Variants in RIPK1 observed in about 807,000 individuals in gnomAD.
RIPK1 encodes the protein receptor interacting serine/threonine kinase 1.
Under a neutral mutation model 62.4 loss-of-function variants are expected in RIPK1, and 27 were observed. The observed-to-expected ratio is 0.43, with a 90% CI of 0.32 to 0.60. RIPK1 has a LOEUF of 0.60. Among genes scored for constraint, RIPK1 ranks in the 20% least tolerant of loss-of-function variants. The probability of loss-of-function intolerance (pLI) is 0.07; values close to 1 mark genes in which losing one functional copy is unlikely to be tolerated. For missense variants in RIPK1, 735 were observed against 831.0 expected (o/e 0.88, Z 1.42); for synonymous variants, 287 against 303.2 (o/e 0.95, Z 0.55).
At chr6:3,073,295 C>T (rs972402010) in intron 1 of RIPK1, among the ~76,000 whole-genome samples, 5 of 151,104 alleles carry the variant, frequency 3.3e-5, no homozygotes, top group East Asian at 3.9e-4. Flanking sequence ...TATATTTATA[C>T]GTATACATAC....
chr6:3,103,157 A>G (rs570870210), intron 7 of RIPK1, among the ~76,000 whole-genome samples: 1 of 151,182 alleles, frequency 6.6e-6, no homozygotes, highest in South Asian at 2.1e-4. Context: ...AGAAACTGCT[A>G]TTCAAGTTCT....
rs139068628 is a variant in RIPK1 at position 3,094,886 on chromosome 6, A to T, written c.915+5229A>T. Reference sequence around the variant, plus strand: ...AGACCAGCCTAGGCCACACAGTGAGACCCCATCTCTAAAAAAATAAAATAA... The same window carrying T: ...AGACCAGCCTAGGCCACACAGTGAGTCCCCATCTCTAAAAAAATAAAATAA... On this transcript the variant is annotated intron_variant, in intron 7 of 10. Transcript: ENST00000259808. Among the ~76,000 whole-genome samples the T allele has an allele frequency of 4.7e-3, 714 of 151,914 alleles. 8 individuals are homozygous for T. The highest frequency in any genetic ancestry group is 0.031 in the East Asian group (161 of 5,160).
rs533760811 is a variant in RIPK1, at chr6:3,112,708, T to A, written c.1730-345T>A. ...ACCATACCCAGCTAATTAAAAAAAA[T>A]TTTTTTTTTGGTAGAGACAGGTTCT... On this transcript the variant is annotated intron_variant, in intron 10 of 10. Coordinates refer to ENST00000259808, the MANE Select transcript of RIPK1 (RefSeq NM_001354930.2). Among the ~76,000 whole-genome samples, 94 of 150,910 alleles carry A rather than the reference T, an allele frequency of 6.2e-4. 1 individual carries two copies. Among genetic ancestry groups the A allele is most frequent in the African/African-American group, 2.0e-3 (83 of 41,122 alleles).
rs750738935 is a variant in RIPK1 at position 3,105,978 on chromosome 6, T to C, written c.1503T>C (p.His501=). Residue 501 remains histidine (H), a synonymous_variant, in exon 9 of 11, where the codon CAT becomes CAC. Transcript: ENST00000259808. The surrounding 1 kb of genome is among the most constrained non-coding windows in gnomAD (Gnocchi z 4.5). ...TTCCAAGTCATATGCCTAGTCTGCA[T>C]AATATCCCAGTGCCTGAGACCAACT... ...RPIPSHMPSL[H]NIPVPETNYL... is the part of the protein sequence containing the mutation. The C allele has an allele frequency of 1.2e-5, 19 of 1,614,104 alleles. No individual in the cohort carries two copies. In the East Asian group the frequency reaches 3.8e-4, roughly 32 times the overall value.
chr6:3,065,951 G>C (rs1250743910), upstream of RIPK1, among the ~76,000 whole-genome samples: 6 of 152,188 alleles, frequency 3.9e-5, no homozygotes, highest in Non-Finnish European at 8.8e-5. Context: ...AAGGTCACAT[G>C]ATGTCTAGAG....
intron 10 of RIPK1, among the ~76,000 whole-genome samples, chr6:3,112,619 C>T (rs1386801888): frequency 6.6e-6 from 1 of 152,216 alleles, no homozygotes; most frequent in Non-Finnish European, 1.5e-5. Context: ...CAGCCTCGAA[C>T]TCCTGAGTTC....
At chr6:3,082,640 C>T (rs570835513) in intron 4 of RIPK1, among the ~76,000 whole-genome samples, 14 of 152,172 alleles carry the variant, frequency 9.2e-5, no homozygotes, top group Non-Finnish European at 1.6e-4. Flanking sequence ...GGCCTCTGGA[C>T]GCCATTTGGG....
rs780924080 is a variant in RIPK1, at chr6:3,077,792, C to G, written c.178C>G (p.Leu60Val). ...GPNCIEHNEA[L>V]LEEAKMMNRL... ...TCCTGCCCACAGGCACAACGAGGCC[C>G]TCTTGGAGGAGGCGAAGATGATGAA... The change falls in exon 3 of 11, where the codon CTC becomes GTC. Residue 60 changes from leucine to valine, a missense_variant. Leu to Val is a conservative substitution (Grantham distance 32, BLOSUM62 1). Around this residue, in one of 2 missense-constraint regions of RIPK1, gnomAD observed 671 missense variants for 726.2 expected, o/e 0.92. Transcript: ENST00000259808. 32 of 1,614,032 alleles carry G rather than the reference C, an allele frequency of 2.0e-5. No individual in the cohort carries two copies. Among genetic ancestry groups the G allele is most frequent in the Non-Finnish European group, 2.6e-5 (31 of 1,180,018 alleles).
upstream of RIPK1, among the ~76,000 whole-genome samples, chr6:3,066,381 G>T (rs756662366): frequency 6.6e-6 from 1 of 151,956 alleles, no homozygotes; most frequent in Non-Finnish European, 1.5e-5. Flanking sequence ...CCTAGAACAG[G>T]TGCTCAGTAA....
At chr6:3,082,577 T>A (rs1000375654) in intron 4 of RIPK1, among the ~76,000 whole-genome samples, 3 of 152,194 alleles carry the variant, frequency 2.0e-5, no homozygotes. Context: ...CAAGCAACAC[T>A]GCAGTCCTTA....
At chr6:3,111,390 C>T (rs1661669194) in intron 10 of RIPK1, among the ~76,000 whole-genome samples, 1 of 152,186 alleles carries the variant, frequency 6.6e-6, no homozygotes, top group Non-Finnish European at 1.5e-5. Context: ...AGAGGGCTAT[C>T]TCTTATAGGG....
Position 3,072,391 on chromosome 6 carries a change from A to AT in RIPK1, c.-61+3731dup, listed in dbSNP as rs1491302355. ...TGTACTTATATCTTTATCTATTTAC[A>AT]TATATATATATATAAAACACACACA... On this transcript the variant is annotated intron_variant, in intron 1 of 10. Coordinates refer to ENST00000259808, the MANE Select transcript of RIPK1 (RefSeq NM_001354930.2). This position sits in a 1 kb window ranked among gnomAD's most constrained non-coding sequence, Gnocchi z 5.6. 2.7e-4 allele frequency among the ~76,000 whole-genome samples: 4 copies of AT among 14,814 alleles called. No individual in the cohort carries two copies. The highest frequency in any genetic ancestry group is 2.0e-3 in the East Asian group (1 of 488). The allele number at this position is 14,814 out of a possible 152,430, so 9.7% of individuals were successfully genotyped here. A position where few individuals can be genotyped will look rare whatever the true frequency, so the allele number is the denominator to read the frequency against.
chr6:3,073,501 C>T (rs1758872695), intron 1 of RIPK1, among the ~76,000 whole-genome samples: 1 of 152,130 alleles, frequency 6.6e-6, no homozygotes, highest in South Asian at 2.1e-4. Flanking sequence ...TCTCTTACCT[C>T]ACGCGTGTGC....
chr6:3,111,018 C>A, intron 10 of RIPK1, 63 bp downstream of exon 10: 3 of 1,172,314 alleles, frequency 2.6e-6, no homozygotes, highest in Non-Finnish European at 3.5e-6. Flanking sequence ...GTGAGAAGGA[C>A]ATAGTGGAAT....
chr6:3,073,348 G>T (rs1159583061), intron 1 of RIPK1, among the ~76,000 whole-genome samples: 1 of 151,160 alleles, frequency 6.6e-6, no homozygotes, highest in Non-Finnish European at 1.5e-5. Context: ...TACCACTTCT[G>T]TGAGGTGGTC....
chr6:3,069,875 G>A (rs1161976521), intron 1 of RIPK1, among the ~76,000 whole-genome samples: 4 of 152,210 alleles, frequency 2.6e-5, no homozygotes, highest in Admixed American at 2.0e-4. Flanking sequence ...GCCAGGTGTG[G>A]TGGCGGGTCC....
upstream of RIPK1, among the ~76,000 whole-genome samples, chr6:3,067,310 A>G (rs1758424203): frequency 6.6e-6 from 1 of 152,168 alleles, no homozygotes; most frequent in Admixed American, 6.5e-5. Flanking sequence ...AGCTTGGTTA[A>G]GAAATTGCCA....
rs144134468 is a variant in RIPK1 at position 3,090,345 on chromosome 6, C to G, written c.915+688C>G. ...CTACTGCCATCCATCTTCCAGCAAC[C>G]TACCCCATAATCATGAACAGGAGAC... On this transcript the variant is annotated intron_variant, in intron 7 of 10. Coordinates refer to ENST00000259808, the MANE Select transcript of RIPK1 (RefSeq NM_001354930.2). Among the ~76,000 whole-genome samples, 40 of 152,224 alleles carry G rather than the reference C, an allele frequency of 2.6e-4. No homozygotes were observed. In the East Asian group the frequency reaches 7.3e-3, roughly 28 times the overall value.
At chr6:3,066,527 A>G (rs556489051), upstream of RIPK1, among the ~76,000 whole-genome samples, 4 of 152,166 alleles carry the variant, frequency 2.6e-5, no homozygotes, top group South Asian at 8.3e-4. Context: ...GTCTTTTTTG[A>G]TATGTGTACA....
Sources: gnomAD v4.1 joint callset for allele counts (sites outside exome capture counted in the v4.1 genomes callset) on GRCh38, gnomAD v4.1.1 for gene constraint, gnomAD v4.1.1 regional missense constraint, Gnocchi (gnomAD v3.1) non-coding constraint, MANE v1.5 for transcripts, NCBI Gene and HGNC (gene_info 2026-07-23, HGNC 2026-07-21) for gene names.